Variants in TRPM7 observed in about 807,000 individuals in gnomAD.
The protein encoded by TRPM7 is transient receptor potential cation channel subfamily M member 7, also known as LTRPC ion channel family member 7.
In TRPM7, 134 loss-of-function variants were observed where a neutral mutation model predicts 229.7. The ratio of observed to expected loss-of-function variants is 0.58; its 90% CI spans 0.51 to 0.67. The LOEUF is 0.67. Among genes scored for constraint, TRPM7 ranks in the 30% least tolerant of loss-of-function variants. The pLI, the probability that TRPM7 is intolerant of heterozygous loss-of-function variation, is 0.00. For missense variants in TRPM7, 1,901 were observed against 2,210.0 expected, an observed-to-expected ratio of 0.86 and a Z score of 2.80; for synonymous variants, 699 against 715.2, an observed-to-expected ratio of 0.98 and a Z score of 0.36.
At chr15:50,684,510 T>A (rs1473884600) in intron 1 of TRPM7, among the ~76,000 whole-genome samples, 1 of 151,624 alleles carries the variant, frequency 6.6e-6, no homozygotes, top group Non-Finnish European at 1.5e-5. Context: ...GTGTGGTGGC[T>A]CGCACCTGGA....
chr15:50,591,193 T>C (rs2059482938), intron 26 of TRPM7, among the ~76,000 whole-genome samples: 1 of 152,226 alleles, frequency 6.6e-6, no homozygotes, highest in Non-Finnish European at 1.5e-5. Context: ...TAGATTTCCA[T>C]TGTTGTTCTG....
rs932924637 is a variant in TRPM7, at chr15:50,592,022, T to C, written c.4213A>G (p.Thr1405Ala). ...SSPPTKFFVS[T>A]PSQPSCKSHL... ...CTTTTGCAACTTGGCTGAGATGGTG[T>C]ACTAACAAAAAATTTGGTTGGTGGG... The change falls in exon 26 of 39, where the codon ACA (threonine) becomes GCA (alanine). Residue 1405 changes from threonine (T) to alanine (A), a missense_variant. Around this residue, in one of 8 missense-constraint regions of TRPM7, gnomAD observed 533 missense variants for 497.1 expected, o/e 1.07. Transcript: ENST00000646667. The C allele has an allele frequency of 1.9e-6, 3 of 1,613,438 alleles. No homozygotes were observed. Among genetic ancestry groups the C allele is most frequent in the Admixed American group, 3.3e-5 (2 of 59,962 alleles).
At chr15:50,600,503 A>C (rs1342937108) in intron 21 of TRPM7, among the ~76,000 whole-genome samples, 2 of 152,162 alleles carry the variant, frequency 1.3e-5, no homozygotes, top group African/African-American at 4.8e-5. Flanking sequence ...GCAATATGTA[A>C]TATTCATTCA....
At chr15:50,676,169 C>A (rs2062089703) in intron 1 of TRPM7, among the ~76,000 whole-genome samples, 1 of 152,140 alleles carries the variant, frequency 6.6e-6, no homozygotes, top group African/African-American at 2.4e-5. Context: ...TACAAATAAA[C>A]CTAAGCACAC....
intron 30 of TRPM7, among the ~76,000 whole-genome samples, 174 bp from the exon 31 acceptor site, chr15:50,578,838 A>T (rs987201367): frequency 1.3e-5 from 2 of 150,444 alleles, no homozygotes; most frequent in African/African-American, 4.9e-5. Flanking sequence ...ATCCATATAT[A>T]GATATATATA....
chr15:50,619,223 C>CTT (rs71124388), intron 13 of TRPM7, among the ~76,000 whole-genome samples: 8 of 137,280 alleles, frequency 5.8e-5, no homozygotes, highest in African/African-American at 8.1e-5. Flanking sequence ...GCTTTTTTTT[C>CTT]TTTTTTTTTT....
At chr15:50,583,580 G>GTTTT (rs3077872) in intron 28 of TRPM7, among the ~76,000 whole-genome samples, 127 of 136,836 alleles carry the variant, frequency 9.3e-4, no homozygotes, top group Non-Finnish European at 1.2e-3. Context: ...TTAGAGTTTT[G>GTTTT]TTTTTTTTTT....
At chr15:50,565,845 A>G (rs2053575414) in intron 38 of TRPM7, among the ~76,000 whole-genome samples, 1 of 149,322 alleles carries the variant, frequency 6.7e-6, no homozygotes, top group Admixed American at 6.7e-5. Flanking sequence ...TTTTTTTGAG[A>G]CGGAGTCTTG....
chr15:50,664,433 T>C (rs910921686), intron 1 of TRPM7, among the ~76,000 whole-genome samples: 4 of 150,094 alleles, frequency 2.7e-5, no homozygotes, highest in African/African-American at 4.9e-5. Context: ...TAAAAAGACA[T>C]AAAGCAAATT....
intron 35 of TRPM7, 51 bp downstream of exon 35, chr15:50,574,586 G>T: frequency 6.4e-7 from 1 of 1,560,214 alleles, no homozygotes; most frequent in Non-Finnish European, 8.8e-7. Flanking sequence ...AAGGTCAAAA[G>T]GGACTGCTAT....
At chr15:50,634,662 GA>G (rs137911012) in intron 7 of TRPM7, 106 bp from the exon 8 acceptor site, 34 of 841,544 alleles carry the variant, frequency 4.0e-5, no homozygotes, top group Non-Finnish European at 5.2e-5. Flanking sequence ...AGATTTTACT[GA>G]AAAAAAATTA....
rs150733333 is a variant in TRPM7, at chr15:50,644,939, T to C, written c.322-1386A>G. 1.9e-3 allele frequency among the ~76,000 whole-genome samples: 282 copies of C among 152,244 alleles called. 2 individuals are homozygous for C. The highest frequency in any genetic ancestry group is 6.5e-3 in the African/African-American group (272 of 41,564). ...TTTTTTTAGACACGGTCAGGCTCTG[T>C]TGCCCAGGCTGGAGTGCAGTGGCGC... On this transcript the variant is annotated intron_variant, in intron 4 of 38. Transcript: ENST00000646667.
intron 3 of TRPM7, among the ~76,000 whole-genome samples, chr15:50,650,916 T>A (rs1484834276): frequency 6.6e-6 from 1 of 152,150 alleles, no homozygotes; most frequent in African/African-American, 2.4e-5. Flanking sequence ...TGGCCGGGCG[T>A]GGTAGCTCAC....
chr15:50,612,807 C>T lies in TRPM7; in HGVS notation c.1793G>A (p.Gly598Glu), dbSNP rs750468323. Residue 598 changes from glycine (G) to glutamate (E), a missense_variant, in exon 16 of 39, where the codon GGA becomes GAA. Coordinates refer to ENST00000646667, the MANE Select transcript of TRPM7 (RefSeq NM_017672.6). ...RPKIDTVMEE[G>E]KKKRTKDEIV... Reference sequence around the variant, plus strand: ...TTCATCTTTGGTTCTTTTCTTCTTTCCTTCTTCCATAACTGTATCAATCTT... The same window carrying T: ...TTCATCTTTGGTTCTTTTCTTCTTTTCTTCTTCCATAACTGTATCAATCTT... 5.6e-6 allele frequency: 9 copies of T among 1,613,182 alleles called. No individual in the cohort carries two copies. The highest frequency in any genetic ancestry group is 7.6e-6 in the Non-Finnish European group (9 of 1,179,902).
At chr15:50,575,178 T>G in intron 33 of TRPM7, 43 bp from the exon 34 acceptor site, 2 of 1,498,562 alleles carry the variant, frequency 1.3e-6, no homozygotes, top group Non-Finnish European at 1.8e-6. Flanking sequence ...ATTGTGACTT[T>G]TTAAAAACGA....
rs977121495 is a variant in TRPM7 at position 50,617,362 on chromosome 15, G to A, written c.1494+2383C>T. ...AAAAAAAAAAAAACAAATCAGTCAG[G>A]CTTGGTGGCAGGCACCTGCAATCCC... On this transcript the variant is annotated intron_variant, in intron 13 of 38. Transcript: ENST00000646667. Among the ~76,000 whole-genome samples the A allele has an allele frequency of 1.0e-3, 157 of 150,448 alleles. 2 individuals carry two copies. The highest frequency in any genetic ancestry group is 3.7e-3 in the African/African-American group (151 of 41,132).
In TRPM7 at chr15:50,615,527, A is replaced by C. The variant is rs1216323022; in HGVS notation, c.1495-1264T>G. ...TGGTTAATTTTATTAAATAATCTTA[A>C]AGGGATTTAATCATCAGATAATTTG... On this transcript the variant is annotated intron_variant, in intron 13 of 38. Transcript: ENST00000646667. Among the ~76,000 whole-genome samples the C allele has an allele frequency of 2.8e-4, 42 of 152,312 alleles. No homozygotes were observed. The East Asian group carries it at 7.5e-3, about 27-fold the overall frequency.
intron 10 of TRPM7, among the ~76,000 whole-genome samples, chr15:50,629,401 T>C (rs1295317616): frequency 6.7e-6 from 1 of 149,556 alleles, no homozygotes; most frequent in Non-Finnish European, 1.5e-5. Flanking sequence ...GCCTCTCAAG[T>C]AGCTGGGACC....
chr15:50,581,625 C>T (rs541750635), intron 29 of TRPM7, among the ~76,000 whole-genome samples: 1 of 151,744 alleles, frequency 6.6e-6, no homozygotes, highest in African/African-American at 2.4e-5. Flanking sequence ...TTCACTGCAG[C>T]CTTTGTTGTG....
Sources: gnomAD v4.1 joint callset for allele counts (sites outside exome capture counted in the v4.1 genomes callset) on GRCh38, gnomAD v4.1.1 for gene constraint, gnomAD v4.1.1 regional missense constraint, MANE v1.5 for transcripts, NCBI Gene and HGNC (gene_info 2026-07-23, HGNC 2026-07-21) for gene names.